Variants in SLC39A14 observed in about 807,000 individuals in gnomAD.
The protein encoded by SLC39A14 is metal cation symporter ZIP14.
A neutral mutation model predicts 45.5 loss-of-function variants in SLC39A14; 19 were observed. That is an observed-to-expected ratio of 0.42 (90% CI 0.29 to 0.61). The LOEUF is 0.61. Ranked by LOEUF, SLC39A14 falls within the 20% of genes least tolerant of loss-of-function variation. SLC39A14 has a pLI of 0.22. For missense variants in SLC39A14, 447 were observed against 616.5 expected (o/e 0.73, Z 2.91); for synonymous variants, 264 against 251.3 (o/e 1.05, Z -0.48).
intron 1 of SLC39A14, among the ~76,000 whole-genome samples, chr8:22,391,063 G>A (rs539031805): frequency 1.2e-4 from 19 of 152,336 alleles, no homozygotes; most frequent in African/African-American, 4.1e-4. Context: ...GCTCTGCAAC[G>A]TGATCTTTGC....
chr8:22,393,606 A>C lies in SLC39A14; in HGVS notation c.-15-11090A>C, dbSNP rs116915522. Among the ~76,000 whole-genome samples the C allele has an allele frequency of 3.0e-4, 46 of 152,348 alleles. No individual in the cohort carries two copies. In the East Asian group the frequency reaches 8.3e-3, roughly 27 times the overall value. On this transcript the variant is annotated intron_variant, in intron 1 of 8. Coordinates refer to ENST00000381237, the MANE Select transcript of SLC39A14 (RefSeq NM_001128431.4). ...TGACCATGAATATCCAGAGTGTATTAATCAAGCATTTGTAAAACATTTGGC... is the reference window on the plus strand; with the variant it reads ...TGACCATGAATATCCAGAGTGTATTCATCAAGCATTTGTAAAACATTTGGC...
At chr8:22,407,027 C>T (rs190275493) in intron 2 of SLC39A14, among the ~76,000 whole-genome samples, 8 of 152,322 alleles carry the variant, frequency 5.3e-5, no homozygotes, top group Admixed American at 4.6e-4. Flanking sequence ...AGGAACGGTT[C>T]GTGAGAAGCG....
At chr8:22,418,200 G>A (rs1418164048) in intron 8 of SLC39A14, among the ~76,000 whole-genome samples, 5 of 152,322 alleles carry the variant, frequency 3.3e-5, no homozygotes, top group African/African-American at 9.6e-5. Context: ...ACCGCACATG[G>A]CTGGTAGTTT....
At chr8:22,418,143 T>C (rs1835999442) in intron 8 of SLC39A14, among the ~76,000 whole-genome samples, 1 of 152,176 alleles carries the variant, frequency 6.6e-6, no homozygotes, top group South Asian at 2.1e-4. Flanking sequence ...CCTCAGGTGA[T>C]CCACCCGCCT....
chr8:22,404,651 C>T, intron 1 of SLC39A14, 45 bp from the exon 2 acceptor site: 5 of 1,570,596 alleles, frequency 3.2e-6, no homozygotes, highest in Non-Finnish European at 4.3e-6. Context: ...CAGTTGCCGG[C>T]ACACAGGGAG....
rs566589554 is a variant in SLC39A14, at chr8:22,420,369, G to T, written c.*671G>T. On this transcript the variant is annotated 3_prime_UTR_variant, in exon 9 of 9. Coordinates refer to ENST00000381237, the MANE Select transcript of SLC39A14 (RefSeq NM_001128431.4). ...TACTGAGATGCTGGATATTGATTTT[G>T]TAACAGCACCTGGTGTTTCACGGCT... The T allele has an allele frequency of 2.0e-6, 2 of 985,342 alleles. No individual in the cohort carries two copies. The highest frequency in any genetic ancestry group is 2.4e-6 in the Non-Finnish European group (2 of 829,964). 61.0% of individuals were successfully genotyped at this position (985,342 alleles called of 1,614,324 possible). A position where few individuals can be genotyped will look rare whatever the true frequency, so the allele number is the denominator to read the frequency against.
rs910374909 is a variant in SLC39A14 at position 22,415,704 on chromosome 8, A to G, written c.751-65A>G. 5 of 1,478,348 alleles carry G rather than the reference A, an allele frequency of 3.4e-6. No individual in the cohort carries two copies. In the South Asian group the frequency reaches 3.7e-5, roughly 11 times the overall value. The allele number at this position is 1,478,348 out of a possible 1,614,324, so 91.6% of individuals were successfully genotyped here. A position where few individuals can be genotyped will look rare whatever the true frequency, so the allele number is the denominator to read the frequency against. On this transcript the variant is annotated intron_variant, in intron 5 of 8. Transcript: ENST00000381237. The stretch of plus-strand genomic sequence containing the variant: ...AGTGTGTGAAGCACTTCCTTGGAGC[A>G]GGTGCTCAATCAGGTTTGTGGTTTT...
chr8:22,384,849 A>C (rs1586659679), intron 1 of SLC39A14, among the ~76,000 whole-genome samples: 1 of 152,034 alleles, frequency 6.6e-6, no homozygotes, highest in African/African-American at 2.4e-5. Context: ...CAGGAGTTTC[A>C]GACCAGCGTC....
At chr8:22,375,275 C>A (rs994378873) in intron 1 of SLC39A14, among the ~76,000 whole-genome samples, 3 of 140,228 alleles carry the variant, frequency 2.1e-5, no homozygotes, top group Non-Finnish European at 4.8e-5. Flanking sequence ...ACTTTATTTC[C>A]TTCTGATTAT....
Position 22,368,727 on chromosome 8 carries a change from G to A in SLC39A14, c.-16+1319G>A, listed in dbSNP as rs575235504. Among the ~76,000 whole-genome samples the A allele has an allele frequency of 5.0e-3, 763 of 151,834 alleles. 7 individuals carry two copies. The highest frequency in any genetic ancestry group is 7.6e-3 in the Non-Finnish European group (515 of 67,930). ...AATTTTTTGTATTTTTAGTAGAGACGGGGTTTCACCGTGTTAGCCAGGATG... is the reference window on the plus strand; with the variant it reads ...AATTTTTTGTATTTTTAGTAGAGACAGGGTTTCACCGTGTTAGCCAGGATG... On this transcript the variant is annotated intron_variant, in intron 1 of 8. Coordinates refer to ENST00000381237, the MANE Select transcript of SLC39A14 (RefSeq NM_001128431.4).
chr8:22,415,555 C>T, intron 5 of SLC39A14: 1 of 490,026 alleles, frequency 2.0e-6, no homozygotes, highest in Non-Finnish European at 3.6e-6. Context: ...CTCGGCCTCC[C>T]ACAGTGCTGG....
Position 22,399,228 on chromosome 8 carries a change from C to T in SLC39A14, c.-15-5468C>T, listed in dbSNP as rs145908840. Among the ~76,000 whole-genome samples the T allele has an allele frequency of 8.6e-3, 1,310 of 152,332 alleles. 10 individuals are homozygous for T. Among genetic ancestry groups the T allele is most frequent in the Middle Eastern group, 0.031 (9 of 294 alleles). ...CCTCCTGCAGCTGGGGCCATGCGCG[C>T]GGACCCCTGCCCGGCCTCCCCGTCC... On this transcript the variant is annotated intron_variant, in intron 1 of 8. Coordinates refer to ENST00000381237, the MANE Select transcript of SLC39A14 (RefSeq NM_001128431.4).
At chr8:22,405,581 G>A (rs187039523) in intron 2 of SLC39A14, among the ~76,000 whole-genome samples, 167 of 152,302 alleles carry the variant, frequency 1.1e-3, no homozygotes, top group African/African-American at 3.9e-3. Flanking sequence ...CCTCAGCGCC[G>A]CACTTGAGTC....
intron 1 of SLC39A14, among the ~76,000 whole-genome samples, chr8:22,384,476 G>A (rs1254112654): frequency 1.3e-5 from 2 of 151,360 alleles, no homozygotes; most frequent in Non-Finnish European, 2.9e-5. Flanking sequence ...TGGCGGGCGC[G>A]GTGGCTGACA....
chr8:22,398,062 C>T (rs559555563), intron 1 of SLC39A14, among the ~76,000 whole-genome samples: 52 of 152,134 alleles, frequency 3.4e-4, no homozygotes, highest in Middle Eastern at 6.8e-3. Flanking sequence ...GCTGCGGGGA[C>T]GTCTTAGGAT....
intron 1 of SLC39A14, among the ~76,000 whole-genome samples, chr8:22,387,328 G>A (rs1451906046): frequency 1.3e-5 from 2 of 152,136 alleles, no homozygotes; most frequent in Non-Finnish European, 2.9e-5. Flanking sequence ...AGACGTCCTC[G>A]GGGTTGAAAG....
chr8:22,424,837 G>A (rs1035156654), downstream of SLC39A14, among the ~76,000 whole-genome samples: 1 of 152,036 alleles, frequency 6.6e-6, no homozygotes, highest in African/African-American at 2.4e-5. Context: ...GGCCAGCCTG[G>A]CCAACATGGT....
chr8:22,400,507 C>T (rs947228331), intron 1 of SLC39A14, among the ~76,000 whole-genome samples: 9 of 152,148 alleles, frequency 5.9e-5, no homozygotes, highest in African/African-American at 2.2e-4. Context: ...TTTCTTTGTA[C>T]AACAGGTTTT....
At position 22,387,886 on chromosome 8, in the gene SLC39A14, T is replaced by C. The variant is rs558674489; in HGVS notation, c.-15-16810T>C. Among the ~76,000 whole-genome samples the C allele has an allele frequency of 1.1e-3, 160 of 152,216 alleles. 1 individual carries two copies. Among genetic ancestry groups the C allele is most frequent in the African/African-American group, 3.7e-3 (153 of 41,524 alleles). On this transcript the variant is annotated intron_variant, in intron 1 of 8. Transcript: ENST00000381237. ...GCCAAGGTGGGCAGATCACCTGAGG[T>C]TGGGAGTTTAAGATCAGCTTGTCCA...
Sources: gnomAD v4.1 joint callset for allele counts (sites outside exome capture counted in the v4.1 genomes callset) on GRCh38, gnomAD v4.1.1 for gene constraint, MANE v1.5 for transcripts, NCBI Gene and HGNC (gene_info 2026-07-23, HGNC 2026-07-21) for gene names.